Variants in FAM53A observed in about 807,000 individuals in gnomAD.
FAM53A encodes family with sequence similarity 53 member A.
Under a neutral mutation model 26.6 loss-of-function variants are expected in FAM53A, and 28 were observed. That is an observed-to-expected ratio of 1.05 (90% CI 0.78 to 1.45). The LOEUF (loss-of-function observed/expected upper bound fraction) is 1.45, where lower values mean the gene tolerates loss of function less well. FAM53A is among the 40% of genes most tolerant of loss of function. The probability of loss-of-function intolerance (pLI) is 0.00; values close to 1 mark genes in which losing one functional copy is unlikely to be tolerated. For missense variants in FAM53A, 650 were observed against 575.8 expected, an observed-to-expected ratio of 1.13 and a Z score of -1.32; for synonymous variants, 290 against 253.1, an observed-to-expected ratio of 1.15 and a Z score of -1.38.
At chr4:1,585,891 A>G in the FAM53A span, among the ~76,000 whole-genome samples, 3 of 151,494 alleles carry the variant, frequency 2.0e-5, no homozygotes, top group East Asian at 3.9e-4. Flanking sequence ...CACCTGGCTA[A>G]TTTGTGTGTG....
the FAM53A span, among the ~76,000 whole-genome samples, chr4:1,605,298 C>A: frequency 1.3e-5 from 2 of 152,182 alleles, no homozygotes; most frequent in Admixed American, 1.3e-4. This position sits in a 1 kb window ranked among gnomAD's most constrained non-coding sequence, Gnocchi z 5.7. Flanking sequence ...AGCGCAGCCT[C>A]CCCATCCTCC....
rs1715216653 is a variant in FAM53A at position 1,678,888 on chromosome 4, A to C, written c.-165+5345T>G. On this transcript the variant is annotated intron_variant, in intron 1 of 4. Coordinates refer to ENST00000308132, the MANE Select transcript of FAM53A (RefSeq NM_001174070.3). ...TAACTCAAAATGGATCACAGACCTAAAGTAAAAGGCAAAACTATAAAAATC... is the reference window on the plus strand; with the variant it reads ...TAACTCAAAATGGATCACAGACCTACAGTAAAAGGCAAAACTATAAAAATC... Among the ~76,000 whole-genome samples, 3 of 152,078 alleles carry C rather than the reference A, an allele frequency of 2.0e-5. No homozygotes were observed. The South Asian group carries it at 6.2e-4, about 31-fold the overall frequency.
In FAM53A at chr4:1,630,760, G is replaced by A. The variant is rs961570367; in HGVS notation, c.432-12649C>T. ...GGAGGCTGCCAGGGCAGGGCAGGGT[G>A]GGGAGCGCCCACTCGTGGGGAGGGG... On this transcript the variant is annotated intron_variant, in intron 1 of 1. Coordinates refer to the FAM53A transcript ENST00000489029. This position sits in a 1 kb window ranked among gnomAD's most constrained non-coding sequence, Gnocchi z 4.3. Among the ~76,000 whole-genome samples the A allele has an allele frequency of 2.0e-5, 3 of 152,262 alleles. No homozygotes were observed. The highest frequency in any genetic ancestry group is 2.9e-5 in the Non-Finnish European group (2 of 68,014).
chr4:1,650,373 C>T (rs1406204557), intron 4 of FAM53A, among the ~76,000 whole-genome samples: 1 of 96,604 alleles, frequency 1.0e-5, no homozygotes, highest in Admixed American at 1.0e-4. Context: ...TGAGGTGGCA[C>T]AGGTGTGGTG....
In FAM53A at chr4:1,630,435, T is replaced by A. The variant is rs1560118161; in HGVS notation, c.432-12324A>T. Among the ~76,000 whole-genome samples the A allele has an allele frequency of 6.6e-6, 1 of 152,208 alleles. No individual in the cohort carries two copies. Among genetic ancestry groups the A allele is most frequent in the African/African-American group, 2.4e-5 (1 of 41,442 alleles). On this transcript the variant is annotated intron_variant, in intron 1 of 1. Transcript: ENST00000489029. This position sits in a 1 kb window ranked among gnomAD's most constrained non-coding sequence, Gnocchi z 4.3. ...AAACTCTACGGAAACAGGCCGCGTC[T>A]GTATGTGGCCAGTGGGCCGCGGTTT...
At chr4:1,588,023 C>A in the FAM53A span, among the ~76,000 whole-genome samples, 1 of 152,156 alleles carries the variant, frequency 6.6e-6, no homozygotes, top group East Asian at 1.9e-4. Flanking sequence ...TCTCAAAAAT[C>A]TTTCATTTGA....
At chr4:1,637,817 C>T (rs941726882), downstream of FAM53A, among the ~76,000 whole-genome samples, 3 of 152,140 alleles carry the variant, frequency 2.0e-5, no homozygotes, top group Admixed American at 1.3e-4. Flanking sequence ...CATGTCTGCC[C>T]AGCCCAGTGG....
At chr4:1,668,320 A>T (rs901886669) in intron 2 of FAM53A, among the ~76,000 whole-genome samples, 3 of 152,052 alleles carry the variant, frequency 2.0e-5, no homozygotes. Context: ...TTGTATTTTT[A>T]GTAGAGACGG....
the FAM53A span, among the ~76,000 whole-genome samples, chr4:1,609,647 A>C: frequency 6.6e-6 from 1 of 152,072 alleles, no homozygotes; most frequent in Admixed American, 6.5e-5. Context: ...CCTCCTCAGT[A>C]CATGGAACTG....
At chr4:1,657,491 A>G (rs372503770) in intron 2 of FAM53A, 23 bp from the exon 3 acceptor site, 3 of 1,608,652 alleles carry the variant, frequency 1.9e-6, no homozygotes, top group Non-Finnish European at 2.6e-6. Flanking sequence ...AGAAGTTTCA[A>G]TACTGTGACT....
chr4:1,598,456 C>A, the FAM53A span, among the ~76,000 whole-genome samples: 2 of 152,224 alleles, frequency 1.3e-5, no homozygotes, highest in Non-Finnish European at 2.9e-5. Flanking sequence ...GCCGCAATCC[C>A]CAAACAATGA....
At chr4:1,647,643 C>T (rs1036517759) in intron 4 of FAM53A, among the ~76,000 whole-genome samples, 2 of 152,248 alleles carry the variant, frequency 1.3e-5, no homozygotes, top group Non-Finnish European at 2.9e-5. Context: ...CTGCGCATAC[C>T]GAGTCCGCCA....
At chr4:1,657,289 C>A (rs745620476) in intron 3 of FAM53A, 119 bp downstream of exon 3, 7 of 928,080 alleles carry the variant, frequency 7.5e-6, no homozygotes, top group Non-Finnish European at 1.2e-5. Flanking sequence ...GCAGGGCACA[C>A]GAACACCTTC....
rs532495896 is a variant in FAM53A, at chr4:1,679,548, T to C, written c.-165+4685A>G. On this transcript the variant is annotated intron_variant, in intron 1 of 4. Coordinates refer to ENST00000308132, the MANE Select transcript of FAM53A (RefSeq NM_001174070.3). ...TAAAACTACAAAAATTAGCCTGGCGTGGTGGCACGCACCTGTAATCCCAGC... is the reference window on the plus strand; with the variant it reads ...TAAAACTACAAAAATTAGCCTGGCGCGGTGGCACGCACCTGTAATCCCAGC... 1.1e-3 allele frequency among the ~76,000 whole-genome samples: 161 copies of C among 150,436 alleles called. 1 individual carries two copies. The highest frequency in any genetic ancestry group is 3.7e-3 in the African/African-American group (149 of 40,772).
At chr4:1,636,886 G>GGGC (rs1553801697), downstream of FAM53A, among the ~76,000 whole-genome samples, 1 of 151,788 alleles carries the variant, frequency 6.6e-6, no homozygotes, top group Non-Finnish European at 1.5e-5. Flanking sequence ...GCTCTTGCTG[G>GGGC]GGGGGGGTCC....
Position 1,660,838 on chromosome 4 carries a change from G to A in FAM53A, c.76-3370C>T, listed in dbSNP as rs1577133707. 3.3e-5 allele frequency among the ~76,000 whole-genome samples: 5 copies of A among 150,852 alleles called. No homozygotes were observed. The South Asian group carries it at 6.3e-4, about 19-fold the overall frequency. ...AGAGCTTGCAGTGAGCGGAGATCAC[G>A]CCTCTGCACTCCAGCCTGGGTGACA... is the stretch of plus-strand genomic sequence containing the variant. On this transcript the variant is annotated intron_variant, in intron 2 of 4. Coordinates refer to ENST00000308132, the MANE Select transcript of FAM53A (RefSeq NM_001174070.3).
At chr4:1,641,650 C>A (rs1382573717) in intron 4 of FAM53A, 43 bp from the exon 5 acceptor site, 2 of 1,602,642 alleles carry the variant, frequency 1.2e-6, no homozygotes, top group Non-Finnish European at 1.7e-6. Context: ...TCTAGCAGAT[C>A]ACACAGGAGG....
the FAM53A span, among the ~76,000 whole-genome samples, chr4:1,598,205 C>T: frequency 6.6e-6 from 1 of 152,148 alleles, no homozygotes; most frequent in Non-Finnish European, 1.5e-5. Flanking sequence ...GGAGAAGATT[C>T]TGGGAGAAAA....
At chr4:1,653,033 ACAC>A (rs1051697230) in intron 4 of FAM53A, among the ~76,000 whole-genome samples, 5 of 150,876 alleles carry the variant, frequency 3.3e-5, no homozygotes, top group African/African-American at 7.3e-5. Context: ...CACTACACAC[ACAC>A]AACACATAGA....
Sources: gnomAD v4.1 joint callset for allele counts (sites outside exome capture counted in the v4.1 genomes callset) on GRCh38, gnomAD v4.1.1 for gene constraint, Gnocchi (gnomAD v3.1) non-coding constraint, MANE v1.5 for transcripts, NCBI Gene and HGNC (gene_info 2026-07-23, HGNC 2026-07-21) for gene names.